Variants in HMMR observed in about 807,000 individuals in gnomAD.
HMMR encodes hyaluronan mediated motility receptor.
A neutral mutation model predicts 101.0 loss-of-function variants in HMMR; 108 were observed. The observed-to-expected ratio is 1.07, with a 90% CI of 0.92 to 1.25. The LOEUF (loss-of-function observed/expected upper bound fraction) is 1.25, where lower values mean the gene tolerates loss of function less well. Ranked by LOEUF, HMMR falls within the 50% of genes most tolerant of loss-of-function variation. The probability of loss-of-function intolerance (pLI) is 0.00; values close to 1 mark genes in which losing one functional copy is unlikely to be tolerated. For synonymous variants in HMMR, 296 were observed against 276.4 expected (o/e 1.07, Z -0.70); for missense variants, 813 against 788.7 (o/e 1.03, Z -0.37).
intron 16 of HMMR, among the ~76,000 whole-genome samples, chr5:163,487,920 T>G (rs1426933364): frequency 6.6e-6 from 1 of 152,098 alleles, no homozygotes; most frequent in Non-Finnish European, 1.5e-5. Flanking sequence ...AGTGATGCAA[T>G]CACGGCTCAC....
intron 16 of HMMR, chr5:163,489,229 T>C (rs1323029173): frequency 1.3e-5 from 2 of 152,470 alleles, no homozygotes; most frequent in Admixed American, 6.5e-5. Context: ...GTAATGCTTA[T>C]GCTTCCTGGC....
At chr5:163,476,222 G>A (rs1373502386) in intron 11 of HMMR, among the ~76,000 whole-genome samples, 1 of 152,018 alleles carries the variant, frequency 6.6e-6, no homozygotes, top group Non-Finnish European at 1.5e-5. Flanking sequence ...AAAGTTGTGG[G>A]AGGAGAATCA....
At chr5:163,474,636 A>G in intron 10 of HMMR, 1 of 454,978 alleles carries the variant, frequency 2.2e-6, no homozygotes, top group Non-Finnish European at 4.4e-6. Flanking sequence ...GGAAACAGAG[A>G]AGGAGAAGTT....
chr5:163,465,929 C>A (rs910301921), intron 3 of HMMR, among the ~76,000 whole-genome samples: 7 of 148,040 alleles, frequency 4.7e-5, no homozygotes, highest in African/African-American at 1.8e-4. Context: ...CCACTGTACT[C>A]CAGCCTGGGC....
rs1759686240 is a variant in HMMR, at chr5:163,491,240, G to T, written c.*76G>T. 1.3e-6 allele frequency: 1 copy of T among 789,386 alleles called. No individual in the cohort carries two copies. Among genetic ancestry groups the T allele is most frequent in the Non-Finnish European group, 2.1e-6 (1 of 487,374 alleles). 48.9% of individuals were successfully genotyped at this position (789,386 alleles called of 1,614,324 possible). A position where few individuals can be genotyped will look rare whatever the true frequency, so the allele number is the denominator to read the frequency against. On this transcript the variant is annotated 3_prime_UTR_variant, in exon 18 of 18. Transcript: ENST00000393915. ...TGTTGCTGTTATTATATTTGACATG[G>T]GTATTTTATAATGTTGTATTTAATT...
In HMMR at chr5:163,481,386, G is replaced by T. The variant is rs551857741; in HGVS notation, c.1386-1256G>T. Reference sequence around the variant, plus strand: ...CGTTAGTTTGAAGAATAGTGCTTCAGGGGGTTTTTATCTATTCTGTGATTT... The same window carrying T: ...CGTTAGTTTGAAGAATAGTGCTTCATGGGGTTTTTATCTATTCTGTGATTT... On this transcript the variant is annotated intron_variant, in intron 12 of 17. Coordinates refer to ENST00000393915, the MANE Select transcript of HMMR (RefSeq NM_001142556.2). 3.2e-4 allele frequency among the ~76,000 whole-genome samples: 48 copies of T among 152,082 alleles called. No homozygotes were observed. The South Asian group carries it at 1.0e-2, about 32-fold the overall frequency.
chr5:163,484,035 T>C, intron 15 of HMMR, 34 bp from the exon 16 acceptor site: 1 of 1,319,380 alleles, frequency 7.6e-7, no homozygotes, highest in Middle Eastern at 2.1e-4. Context: ...CAAACTGTTT[T>C]AAGTCTTAAC....
chr5:163,471,472 G>C lies in HMMR; in HGVS notation c.650+9G>C. ...CAACTGGAGGGAAAACTGTAAGTGA[G>C]TGAATGTGAAGAGAAATTGTTAAGT... On this transcript the variant is annotated intron_variant, in intron 7 of 17. Coordinates refer to ENST00000393915, the MANE Select transcript of HMMR (RefSeq NM_001142556.2). 6.4e-7 allele frequency: 1 copy of C among 1,563,058 alleles called. No homozygotes were observed. The highest frequency in any genetic ancestry group is 8.8e-7 in the Non-Finnish European group (1 of 1,134,746).
At chr5:163,486,532 A>G (rs1021704047) in intron 16 of HMMR, among the ~76,000 whole-genome samples, 1 of 152,176 alleles carries the variant, frequency 6.6e-6, no homozygotes, top group Non-Finnish European at 1.5e-5. Flanking sequence ...TGGATTCCTT[A>G]GGATGTTCTT....
chr5:163,475,568 A>C lies in HMMR; in HGVS notation c.1164A>C (p.Lys388Asn), dbSNP rs903837683. Residue 388 changes from lysine to asparagine, a missense_variant, in exon 11 of 18, where the codon AAA becomes AAC. Coordinates refer to ENST00000393915, the MANE Select transcript of HMMR (RefSeq NM_001142556.2). ...ELKQTLDELD[K>N]LQQKEEQAER... The stretch of plus-strand genomic sequence containing the variant: ...AGCAAACACTGGATGAGCTTGATAA[A>C]TTACAGCAAAAGGAGGAACAAGCTG... 5.0e-6 allele frequency: 8 copies of C among 1,612,482 alleles called. No individual in the cohort carries two copies. The highest frequency in any genetic ancestry group is 3.4e-6 in the Non-Finnish European group (4 of 1,178,702).
rs1759333751 is a variant in HMMR, at chr5:163,483,133, A to G, written c.1646A>G (p.Glu549Gly). Residue 549 changes from glutamate (E) to glycine (G), a missense_variant, in exon 14 of 18, where the codon GAG (glutamate) becomes GGG (glycine). Glu to Gly is a moderately conservative substitution (Grantham distance 98). Transcript: ENST00000393915. ...TTGCAGAACCAACTCAAGCAACAGG[A>G]GGAAGACTTTAGAAAACAGCTGGAA... Reference protein sequence around the residue: ...TDLQNQLKQQEEDFRKQLEDE... With the variant: ...TDLQNQLKQQGEDFRKQLEDE... 4 of 1,612,374 alleles carry G rather than the reference A, an allele frequency of 2.5e-6. No individual in the cohort carries two copies. The highest frequency in any genetic ancestry group is 3.4e-6 in the Non-Finnish European group (4 of 1,179,522).
In HMMR at chr5:163,489,827, T is replaced by C. The variant is rs150325950; in HGVS notation, c.1963-563T>C. ...TCCTGGTCCTCCTGGGAGGGAAGCT[T>C]CTGACTCGGAGTTGGGGGAAAAGAG... On this transcript the variant is annotated intron_variant, in intron 16 of 17. Transcript: ENST00000393915. 8.4e-4 allele frequency among the ~76,000 whole-genome samples: 128 copies of C among 152,268 alleles called. No homozygotes were observed. In the East Asian group the frequency reaches 0.021, roughly 25 times the overall value.
At chr5:163,478,991 A>G (rs1010931237) in intron 12 of HMMR, among the ~76,000 whole-genome samples, 191 bp downstream of exon 12, 17 of 152,206 alleles carry the variant, frequency 1.1e-4, no homozygotes, top group African/African-American at 4.1e-4. Context: ...TCCCCTTTAT[A>G]ATTTATAGAA....
At position 163,462,776 on chromosome 5, in the gene HMMR, C is replaced by T. The variant is rs781218629; in HGVS notation, c.47-1080C>T. 3.5e-5 allele frequency among the ~76,000 whole-genome samples: 5 copies of T among 142,382 alleles called. No homozygotes were observed. In the Middle Eastern group the frequency reaches 0.011, roughly 324 times the overall value. The allele number at this position is 142,382 out of a possible 152,430, so 93.4% of individuals were successfully genotyped here. A position where few individuals can be genotyped will look rare whatever the true frequency, so the allele number is the denominator to read the frequency against. On this transcript the variant is annotated intron_variant, in intron 1 of 17. Transcript: ENST00000393915. Reference sequence around the variant, plus strand: ...CCAGGAGGCAAAGGTTTCAGTGAGCCAAGATGGCGCCACTACACTCCAGCC... The same window carrying T: ...CCAGGAGGCAAAGGTTTCAGTGAGCTAAGATGGCGCCACTACACTCCAGCC...
chr5:163,474,140 C>T lies in HMMR; in HGVS notation c.988C>T (p.Gln330Ter). 2 of 1,611,208 alleles carry T rather than the reference C, an allele frequency of 1.2e-6. No individual in the cohort carries two copies. The highest frequency in any genetic ancestry group is 1.7e-6 in the Non-Finnish European group (2 of 1,178,262). Residue 330 changes from glutamine to a stop codon, truncating the protein, a stop_gained, in exon 10 of 18, where the codon CAA (glutamine) becomes TAA (stop). Coordinates refer to ENST00000393915, the MANE Select transcript of HMMR (RefSeq NM_001142556.2). LOFTEE classifies it high-confidence loss of function. ...CTTAAAACAGAAGTTTATTCTTGAA[C>T]AACAGGAACGTGAAAAGCTTCAACA... ...QNLKQKFILE[Q>*]QEREKLQQKE...
At chr5:163,472,056 T>TATTATTATTA (rs11443144) in intron 7 of HMMR, among the ~76,000 whole-genome samples, 1 of 148,378 alleles carries the variant, frequency 6.7e-6, no homozygotes, top group African/African-American at 2.5e-5. Flanking sequence ...TATTATTTAT[T>TATTATTATTA]TTTTTTTTTA....
Position 163,484,251 on chromosome 5 carries a change from T to TA in HMMR, c.1962+10dup, listed in dbSNP as rs1284130895. 6.6e-7 allele frequency: 1 copy of TA among 1,524,240 alleles called. No individual in the cohort carries two copies. The highest frequency in any genetic ancestry group is 1.9e-5 in the Admixed American group (1 of 53,236). 94.4% of individuals were successfully genotyped at this position (1,524,240 alleles called of 1,614,324 possible). On this transcript the variant is annotated splice_region_variant and intron_variant, in intron 16 of 17. Coordinates refer to ENST00000393915, the MANE Select transcript of HMMR (RefSeq NM_001142556.2). ...AAAATAGCCAACTCAAATCGGTTTG[T>TA]AAAATGACTTTTCATTTTATTAAAG...
intron 16 of HMMR, 74 bp downstream of exon 16, chr5:163,484,319 A>ATCTT (rs1254869317): frequency 7.0e-6 from 5 of 711,906 alleles, no homozygotes; most frequent in African/African-American, 1.9e-5. Context: ...CTTAAATAAA[A>ATCTT]TGAATATCTT....
In HMMR at chr5:163,464,804, TGAG is replaced by T. The variant is rs779640808; in HGVS notation, c.225+6_225+8del. 1.3e-6 allele frequency: 2 copies of T among 1,592,650 alleles called. No individual in the cohort carries two copies. Among genetic ancestry groups the T allele is most frequent in the Admixed American group, 1.7e-5 (1 of 59,488 alleles). Reference sequence around the variant, plus strand: ...AAAGTTAAGTCTTCGGAATCAAAGGTGAGGAGCTTTTATATGCCAGCTGGTTTA... The same window carrying T: ...AAAGTTAAGTCTTCGGAATCAAAGGTGAGCTTTTATATGCCAGCTGGTTTA... On this transcript the variant is annotated splice_donor_5th_base_variant and intron_variant, in intron 3 of 17. Transcript: ENST00000393915.
Sources: allele counts gnomAD v4.1 joint callset (sites outside exome capture counted in the v4.1 genomes callset), GRCh38; gene constraint gnomAD v4.1.1; transcripts MANE v1.5; gene names NCBI Gene and HGNC (gene_info 2026-07-23, HGNC 2026-07-21).